Variants in ZNF469 observed in about 807,000 individuals in gnomAD.
ZNF469 encodes zinc finger protein 469.
Under a neutral mutation model 1.0 loss-of-function variants are expected in ZNF469, and 1 was observed. The observed-to-expected ratio is 1.00, with a 90% CI of 0.35 to 4.73. The LOEUF (loss-of-function observed/expected upper bound fraction) is 4.73. Ranked by LOEUF, ZNF469 falls within the 30% of genes most tolerant of loss-of-function variation. The pLI, the probability that ZNF469 is intolerant of heterozygous loss-of-function variation, is 0.16. For synonymous variants in ZNF469, 2,703 were observed against 2,363.4 expected, an observed-to-expected ratio of 1.14 and a Z score of -4.17; for missense variants, 6,100 against 5,356.3, an observed-to-expected ratio of 1.14 and a Z score of -4.33.
chr16:88,439,305 C>T lies in ZNF469; in HGVS notation c.11835C>T (p.Ile3945=). The T allele has an allele frequency of 1.9e-6, 3 of 1,550,364 alleles. No homozygotes were observed. The highest frequency in any genetic ancestry group is 2.6e-6 in the Non-Finnish European group (3 of 1,146,986). The change falls in exon 3 of 3, where the codon ATC becomes ATT. Residue 3945 remains isoleucine, a synonymous_variant. Coordinates refer to ENST00000565624, the MANE Select transcript of ZNF469 (RefSeq NM_001367624.2). ...GGCAGAGACTAACTGGCTTCAAAAT[C>T]CCTTTAAAGAAAGATGCTTCCGAGT... ...LFGQRLTGFK[I]PLKKDASE
the ZNF469 span, among the ~76,000 whole-genome samples, chr16:88,308,009 G>A: frequency 6.6e-6 from 1 of 152,218 alleles, no homozygotes; most frequent in South Asian, 2.1e-4. Flanking sequence ...AGTTCACATT[G>A]TGTATGGTGT....
the ZNF469 span, among the ~76,000 whole-genome samples, chr16:88,147,089 T>C: frequency 6.6e-6 from 1 of 152,082 alleles, no homozygotes; most frequent in African/African-American, 2.4e-5. Flanking sequence ...TGAGGTTCCC[T>C]TTCCAGGGAG....
the ZNF469 span, among the ~76,000 whole-genome samples, chr16:88,318,399 G>A: frequency 9.2e-5 from 14 of 152,338 alleles, no homozygotes; most frequent in East Asian, 9.6e-4. Context: ...TTCGGTAAGC[G>A]GGGAAGAGCC....
intron 1 of ZNF469, among the ~76,000 whole-genome samples, chr16:88,400,214 G>A (rs899440688): frequency 3.3e-5 from 5 of 152,218 alleles, no homozygotes; most frequent in East Asian, 3.8e-4. Flanking sequence ...CAGCAGGCCC[G>A]AGTTCGAGCT....
At position 88,433,736 on chromosome 16, in the gene ZNF469, G is replaced by T. The variant is rs2142309105; in HGVS notation, c.6266G>T (p.Ser2089Ile). 1 of 1,548,780 alleles carries T rather than the reference G, an allele frequency of 6.5e-7. No homozygotes were observed. Among genetic ancestry groups the T allele is most frequent in the Non-Finnish European group, 8.7e-7 (1 of 1,146,806 alleles). Reference protein sequence around the residue: ...SEGRTPERASSPGLNKPLLAT... With the variant: ...SEGRTPERASIPGLNKPLLAT... ...GGCCGGACTCCAGAGAGGGCGTCCAGCCCCGGCCTGAACAAGCCACTGCTG... is the reference window on the plus strand; with the variant it reads ...GGCCGGACTCCAGAGAGGGCGTCCATCCCCGGCCTGAACAAGCCACTGCTG... The change falls in exon 3 of 3, where the codon AGC becomes ATC. Residue 2089 changes from serine to isoleucine, a missense_variant. Transcript: ENST00000565624.
intron 1 of ZNF469, among the ~76,000 whole-genome samples, chr16:88,384,401 A>C (rs2142260408): frequency 6.6e-6 from 1 of 152,304 alleles, no homozygotes; most frequent in African/African-American, 2.4e-5. Flanking sequence ...GAAAATAAAC[A>C]AAATAAACAG....
At chr16:88,229,983 A>G in the ZNF469 span, among the ~76,000 whole-genome samples, 1 of 152,174 alleles carries the variant, frequency 6.6e-6, no homozygotes, top group Admixed American at 6.5e-5. Context: ...GATCCAGGGC[A>G]GCAGCCTACT....
At chr16:88,389,417 G>A (rs1041302673) in intron 1 of ZNF469, among the ~76,000 whole-genome samples, 1 of 152,246 alleles carries the variant, frequency 6.6e-6, no homozygotes, top group Admixed American at 6.5e-5. Context: ...TCCGTTGGAC[G>A]CCTGGCTTGC....
chr16:88,275,843 C>T, the ZNF469 span, among the ~76,000 whole-genome samples: 9 of 152,192 alleles, frequency 5.9e-5, no homozygotes, highest in Admixed American at 3.9e-4. Context: ...GGAGGCGGGG[C>T]ACAGGGGAAC....
intron 1 of ZNF469, among the ~76,000 whole-genome samples, chr16:88,422,299 T>TGGATGGATGGATGGATG (rs1296937637): frequency 6.9e-6 from 1 of 143,968 alleles, no homozygotes; most frequent in Non-Finnish European, 1.5e-5. Context: ...GATGGATGGA[T>TGGATGGATGGATGGATG]GAGTGGGTGG....
the ZNF469 span, among the ~76,000 whole-genome samples, chr16:88,242,369 G>A: frequency 6.6e-6 from 1 of 152,168 alleles, no homozygotes; most frequent in Non-Finnish European, 1.5e-5. Flanking sequence ...TCAGGGTGCC[G>A]GCAAGGCTGG....
rs549214055 is a variant in ZNF469 at position 88,436,200 on chromosome 16, G to C, written c.8730G>C (p.Thr2910=). ...DPTLGPARLP[T]DLSDSSSLCL... ...CGCTGGGCCCAGCCCGCCTGCCCAC[G>C]GACCTCAGCGACTCCAGCTCCCTCT... Residue 2910 remains threonine, a synonymous_variant, in exon 3 of 3, where the codon ACG becomes ACC. Coordinates refer to ENST00000565624, the MANE Select transcript of ZNF469 (RefSeq NM_001367624.2). 2.6e-6 allele frequency: 4 copies of C among 1,548,176 alleles called. No individual in the cohort carries two copies. Among genetic ancestry groups the C allele is most frequent in the East Asian group, 2.4e-5 (1 of 40,922 alleles).
At chr16:88,213,346 G>A in the ZNF469 span, among the ~76,000 whole-genome samples, 12 of 152,176 alleles carry the variant, frequency 7.9e-5, no homozygotes, top group South Asian at 6.2e-4. Context: ...TAATCCGCTC[G>A]CCTCGGCCTC....
At chr16:88,116,185 A>G in the ZNF469 span, among the ~76,000 whole-genome samples, 7 of 152,114 alleles carry the variant, frequency 4.6e-5, no homozygotes, top group South Asian at 1.2e-3. Flanking sequence ...GTGCTCTTCC[A>G]TGAAGAGGAT....
At chr16:88,387,456 A>G (rs1599343637) in intron 1 of ZNF469, among the ~76,000 whole-genome samples, 1 of 151,836 alleles carries the variant, frequency 6.6e-6, no homozygotes, top group African/African-American at 2.4e-5. Context: ...AGCATGCCCC[A>G]CCCCCTTGGC....
At chr16:88,183,296 C>A in the ZNF469 span, among the ~76,000 whole-genome samples, 4 of 152,192 alleles carry the variant, frequency 2.6e-5, no homozygotes, top group East Asian at 7.7e-4. Context: ...CGGGCTCCAG[C>A]AATCCCACTC....
rs1352946251 is a variant in ZNF469 at position 88,436,758 on chromosome 16, A to G, written c.9288A>G (p.Ala3096=). 1 of 1,546,988 alleles carries G rather than the reference A, an allele frequency of 6.5e-7. No homozygotes were observed. The change falls in exon 3 of 3, where the codon GCA becomes GCG. Residue 3096 remains alanine (A), a synonymous_variant. Transcript: ENST00000565624. ...AGAGCCGAAGGACAGAGGAGGCTGC[A>G]GGGGCAGGGAGGGCCCAAGGCAGAG... The part of the protein sequence containing the change: ...GPQSRRTEEA[A]GAGRAQGRGR...
In ZNF469 at chr16:88,430,383, C is replaced by A. The variant is rs60462217; in HGVS notation, c.2913C>A (p.Gly971=). ...GGAAEGSGSG[G]GGRASGLRPR... The stretch of plus-strand genomic sequence containing the variant: ...CAGCAGAGGGGTCGGGGTCGGGCGG[C>A]GGCGGCAGAGCCTCCGGCCTGAGGC... Residue 971 remains glycine, a synonymous_variant, in exon 3 of 3, where the codon GGC becomes GGA. Coordinates refer to ENST00000565624, the MANE Select transcript of ZNF469 (RefSeq NM_001367624.2). 5,686 of 1,512,804 alleles carry A rather than the reference C, an allele frequency of 3.8e-3. 183 individuals carry two copies. In the African/African-American group the frequency reaches 0.069, roughly 18 times the overall value. The allele number at this position is 1,512,804 out of a possible 1,614,324, so 93.7% of individuals were successfully genotyped here.
the ZNF469 span, among the ~76,000 whole-genome samples, chr16:88,323,606 G>C: frequency 6.6e-6 from 1 of 152,192 alleles, no homozygotes; most frequent in African/African-American, 2.4e-5. Context: ...GGGCAGCCAG[G>C]CTTCCTCTTG....
Sources: gnomAD v4.1 joint callset for allele counts (sites outside exome capture counted in the v4.1 genomes callset) on GRCh38, gnomAD v4.1.1 for gene constraint, MANE v1.5 for transcripts, NCBI Gene and HGNC (gene_info 2026-07-23, HGNC 2026-07-21) for gene names.